Variants in LRBA observed in about 807,000 individuals in gnomAD.
LRBA encodes lipopolysaccharide-responsive and beige-like anchor protein.
A neutral mutation model predicts 330.0 loss-of-function variants in LRBA; 176 were observed. That is an observed-to-expected ratio of 0.53 (90% CI 0.47 to 0.60). The LOEUF (loss-of-function observed/expected upper bound fraction) is 0.60. LRBA is among the 20% of genes least tolerant of loss of function. The probability of loss-of-function intolerance (pLI) is 0.00; values close to 1 mark genes in which losing one functional copy is unlikely to be tolerated. For synonymous variants in LRBA, 1,230 were observed against 1,193.0 expected (o/e 1.03, Z -0.64); for missense variants, 3,259 against 3,444.8 (o/e 0.95, Z 1.35).
intron 37 of LRBA, among the ~76,000 whole-genome samples, chr4:150,656,270 C>T (rs547183764): frequency 1.3e-5 from 2 of 152,286 alleles, no homozygotes; most frequent in South Asian, 2.1e-4. Context: ...AGAGCATCAG[C>T]CAAACCTTTG....
At chr4:150,937,185 C>T (rs1452891653) in intron 2 of LRBA, among the ~76,000 whole-genome samples, 1 of 152,070 alleles carries the variant, frequency 6.6e-6, no homozygotes, top group East Asian at 1.9e-4. Context: ...GAAATTTGTA[C>T]ATACAAATGT....
chr4:150,639,360 TAA>T lies in LRBA; in HGVS notation c.5922-40231_5922-40230del, dbSNP rs371245495. 7.1e-3 allele frequency among the ~76,000 whole-genome samples: 757 copies of T among 106,708 alleles called. 5 individuals carry two copies. Among genetic ancestry groups the T allele is most frequent in the African/African-American group, 0.027 (725 of 27,144 alleles). The allele number at this position is 106,708 out of a possible 152,430, so 70.0% of individuals were successfully genotyped here. ...ATGTACCCTAAAACTTAAAGTATAATAAAAAAAAAAAAGAAAAAAAAAAACAA... is the reference window on the plus strand; with the variant it reads ...ATGTACCCTAAAACTTAAAGTATAATAAAAAAAAAAGAAAAAAAAAAACAA... On this transcript the variant is annotated intron_variant, in intron 37 of 56. Transcript: ENST00000651943.
At chr4:150,920,980 C>A (rs1227925006) in intron 5 of LRBA, among the ~76,000 whole-genome samples, 3 of 152,218 alleles carry the variant, frequency 2.0e-5, no homozygotes, top group African/African-American at 7.2e-5. Flanking sequence ...CTGACCCAAG[C>A]TGTGACTGGG....
chr4:150,643,939 G>A (rs1778907659), intron 37 of LRBA, among the ~76,000 whole-genome samples: 1 of 151,926 alleles, frequency 6.6e-6, no homozygotes, highest in Non-Finnish European at 1.5e-5. Flanking sequence ...AGTACGTGGT[G>A]CTCTCATCAC....
chr4:150,336,515 G>A (rs1734770228), intron 48 of LRBA, among the ~76,000 whole-genome samples: 1 of 152,002 alleles, frequency 6.6e-6, no homozygotes, highest in Admixed American at 6.6e-5. Context: ...AGAAAGAGCA[G>A]CTTGTTAAAT....
At chr4:150,656,884 T>C (rs138472903) in intron 37 of LRBA, among the ~76,000 whole-genome samples, 1 of 152,366 alleles carries the variant, frequency 6.6e-6, no homozygotes, top group Admixed American at 6.5e-5. Context: ...GAAAGTATTA[T>C]GAGTAGAAAC....
chr4:150,816,659 C>CA (rs1396331655), intron 31 of LRBA, among the ~76,000 whole-genome samples: 3 of 150,740 alleles, frequency 2.0e-5, no homozygotes, highest in East Asian at 3.9e-4. Flanking sequence ...GCCTCTAATT[C>CA]AAAAAAATAT....
At chr4:150,784,970 C>T (rs1578773156) in intron 34 of LRBA, among the ~76,000 whole-genome samples, 2 of 152,190 alleles carry the variant, frequency 1.3e-5, no homozygotes, top group East Asian at 3.8e-4. Flanking sequence ...TCACCTTGCC[C>T]GCTGCCTAGA....
intron 46 of LRBA, chr4:150,422,731 A>C: frequency 1.1e-6 from 1 of 932,624 alleles, no homozygotes; most frequent in Non-Finnish European, 1.7e-6. Context: ...AACCCACCTG[A>C]GGGCCCAAAG....
At chr4:150,409,601 C>T (rs1279049244) in intron 47 of LRBA, among the ~76,000 whole-genome samples, 1 of 151,972 alleles carries the variant, frequency 6.6e-6, no homozygotes, top group Non-Finnish European at 1.5e-5. Flanking sequence ...CTCTTGTTCC[C>T]CAAAAGGATT....
chr4:150,473,784 T>C (rs1164380768), intron 42 of LRBA, among the ~76,000 whole-genome samples: 1 of 152,186 alleles, frequency 6.6e-6, no homozygotes, highest in African/African-American at 2.4e-5. Flanking sequence ...GCCTCCATGG[T>C]CATATGAGCC....
intron 40 of LRBA, among the ~76,000 whole-genome samples, chr4:150,575,862 C>T (rs1770472433): frequency 6.6e-6 from 1 of 151,740 alleles, no homozygotes; most frequent in Non-Finnish European, 1.5e-5. Flanking sequence ...AGATATCACA[C>T]CTTGAAACCA....
chr4:150,425,606 T>C (rs1419701909), intron 46 of LRBA, among the ~76,000 whole-genome samples: 2 of 152,158 alleles, frequency 1.3e-5, no homozygotes, highest in Admixed American at 1.3e-4. Context: ...AAGGTATAAT[T>C]TCCACTGATA....
intron 40 of LRBA, among the ~76,000 whole-genome samples, chr4:150,571,564 G>C (rs1769840004): frequency 6.6e-6 from 1 of 151,138 alleles, no homozygotes; most frequent in Non-Finnish European, 1.5e-5. Context: ...AAAAGACAGG[G>C]GCATTCACAC....
chr4:150,509,018 T>C (rs1006747541), intron 40 of LRBA, among the ~76,000 whole-genome samples: 2 of 152,134 alleles, frequency 1.3e-5, no homozygotes. Context: ...TCAGTAACAA[T>C]AGATTGTTTG....
chr4:150,794,264 G>A (rs138810160), intron 34 of LRBA, among the ~76,000 whole-genome samples: 1 of 152,148 alleles, frequency 6.6e-6, no homozygotes, highest in Non-Finnish European at 1.5e-5. Context: ...AGGACACCTT[G>A]TGCCATGTAT....
intron 28 of LRBA, among the ~76,000 whole-genome samples, chr4:150,838,090 C>G (rs1003697692): frequency 1.4e-4 from 22 of 152,130 alleles, no homozygotes; most frequent in Admixed American, 9.2e-4. Context: ...GTTGAAAATT[C>G]GTTTCTTTAA....
At chr4:150,772,268 A>G (rs890393963) in intron 34 of LRBA, among the ~76,000 whole-genome samples, 1 of 152,164 alleles carries the variant, frequency 6.6e-6, no homozygotes, top group African/African-American at 2.4e-5. Flanking sequence ...TATTGTCAGA[A>G]CAATCTATAC....
chr4:150,276,819 C>T (rs533064948), intron 56 of LRBA, among the ~76,000 whole-genome samples: 99 of 152,218 alleles, frequency 6.5e-4, no homozygotes, highest in Non-Finnish European at 1.2e-3. Flanking sequence ...GCTTTTACAT[C>T]GTTGGTGGGA....
Sources: allele counts gnomAD v4.1 joint callset (sites outside exome capture counted in the v4.1 genomes callset), GRCh38; gene constraint gnomAD v4.1.1; transcripts MANE v1.5; gene names NCBI Gene and HGNC (gene_info 2026-07-23, HGNC 2026-07-21).